Variants in OSBPL8 observed in about 807,000 individuals in gnomAD.
OSBPL8 encodes oxysterol binding protein like 8.
OSBPL8 carries 59 observed loss-of-function variants against 125.5 expected under a neutral mutation model. The ratio of observed to expected loss-of-function variants is 0.47; its 90% CI spans 0.38 to 0.58. OSBPL8 has a LOEUF of 0.58. Ranked by LOEUF, OSBPL8 falls within the 20% of genes least tolerant of loss-of-function variation. The probability of loss-of-function intolerance (pLI) is 0.00; values close to 1 mark genes in which losing one functional copy is unlikely to be tolerated. For synonymous variants in OSBPL8, 330 were observed against 338.9 expected, an observed-to-expected ratio of 0.97 and a Z score of 0.29; for missense variants, 758 against 1,047.8, an observed-to-expected ratio of 0.72 and a Z score of 3.82.
chr12:76,445,575 T>A (rs1339281412), intron 4 of OSBPL8, among the ~76,000 whole-genome samples: 1 of 152,106 alleles, frequency 6.6e-6, no homozygotes, highest in Non-Finnish European at 1.5e-5. Flanking sequence ...AATGATACTT[T>A]GCAAAAAGAA....
intron 21 of OSBPL8, among the ~76,000 whole-genome samples, chr12:76,365,953 T>C (rs974209631): frequency 2.6e-5 from 4 of 152,234 alleles, no homozygotes. Context: ...GGTCATGGTG[T>C]ATAATCTTTC....
chr12:76,530,080 G>T (rs937987543), intron 1 of OSBPL8, among the ~76,000 whole-genome samples: 2 of 151,888 alleles, frequency 1.3e-5, no homozygotes, highest in Non-Finnish European at 2.9e-5. Context: ...TAGACACAGG[G>T]TCTCATTCTG....
At chr12:76,415,466 T>G (rs186665757) in intron 4 of OSBPL8, among the ~76,000 whole-genome samples, 14 of 152,292 alleles carry the variant, frequency 9.2e-5, no homozygotes, top group African/African-American at 2.9e-4. Flanking sequence ...CAGGCCGGTC[T>G]CGAACTCCTG....
At position 76,355,041 on chromosome 12, in the gene OSBPL8, C is replaced by G. The variant is rs751655823; in HGVS notation, c.*848G>C. On this transcript the variant is annotated 3_prime_UTR_variant, in exon 24 of 24. Transcript: ENST00000261183. ...ATCAGCACTTCAAATGCTCTATAAA[C>G]ATCTCTAGAATTTGGCCTATGTTAT... 2.0e-5 allele frequency: 3 copies of G among 152,322 alleles called. No homozygotes were observed. The highest frequency in any genetic ancestry group is 4.4e-5 in the Non-Finnish European group (3 of 67,876). The allele number at this position is 152,322 out of a possible 1,614,324, so 9.4% of individuals were successfully genotyped here. A position where few individuals can be genotyped will look rare whatever the true frequency, so the allele number is the denominator to read the frequency against.
At position 76,355,656 on chromosome 12, in the gene OSBPL8, A is replaced by T; in HGVS notation, c.*233T>A. ...ACTCATATGTAGACACATTCTCACA[A>T]AAGCTAGAAATGTCCTGGCACTTAA... On this transcript the variant is annotated 3_prime_UTR_variant, in exon 24 of 24. Transcript: ENST00000261183. 1 of 440,160 alleles carries T rather than the reference A, an allele frequency of 2.3e-6. No individual in the cohort carries two copies. The highest frequency in any genetic ancestry group is 4.0e-6 in the Non-Finnish European group (1 of 248,814). 27.3% of individuals were successfully genotyped at this position (440,160 alleles called of 1,614,324 possible). A position where few individuals can be genotyped will look rare whatever the true frequency, so the allele number is the denominator to read the frequency against.
intron 1 of OSBPL8, among the ~76,000 whole-genome samples, chr12:76,497,919 T>C (rs1312446376): frequency 1.3e-5 from 2 of 152,344 alleles, no homozygotes; most frequent in East Asian, 1.9e-4. Context: ...TGAATTTATA[T>C]AGATTGTTTT....
chr12:76,502,686 T>C (rs1296879427), intron 1 of OSBPL8, among the ~76,000 whole-genome samples: 1 of 152,170 alleles, frequency 6.6e-6, no homozygotes, highest in Non-Finnish European at 1.5e-5. Flanking sequence ...GGACTAGTAA[T>C]CGCCTAGACT....
Position 76,491,535 on chromosome 12 carries a change from C to A in OSBPL8, c.-67-3917G>T, listed in dbSNP as rs192069806. On this transcript the variant is annotated intron_variant, in intron 1 of 23. Coordinates refer to ENST00000261183, the MANE Select transcript of OSBPL8 (RefSeq NM_020841.5). ...TCCTTTGATATAATCAATAGAGTAG[C>A]CCAAGAGACTACTCTGACTTTCAAT... 2.8e-3 allele frequency among the ~76,000 whole-genome samples: 427 copies of A among 152,244 alleles called. 4 individuals are homozygous for A. The highest frequency in any genetic ancestry group is 0.01 in the African/African-American group (416 of 41,534).
intron 21 of OSBPL8, 88 bp from the exon 22 acceptor site, chr12:76,358,899 T>C (rs954276489): frequency 4.4e-6 from 4 of 905,580 alleles, no homozygotes; most frequent in East Asian, 2.5e-5. Context: ...TATCTGCACA[T>C]AGGCATGATA....
chr12:76,549,103 A>G (rs1414621842), intron 1 of OSBPL8, among the ~76,000 whole-genome samples: 1 of 151,996 alleles, frequency 6.6e-6, no homozygotes, highest in Non-Finnish European at 1.5e-5. Flanking sequence ...ACTAAAGGGG[A>G]AAAAAAACCC....
chr12:76,371,918 T>C (rs955649000), intron 18 of OSBPL8: 1 of 165,960 alleles, frequency 6.0e-6, no homozygotes, highest in Non-Finnish European at 1.3e-5. Flanking sequence ...ATAGTATTTG[T>C]TGCAGCTACA....
At chr12:76,448,947 A>G (rs1873049134) in intron 4 of OSBPL8, among the ~76,000 whole-genome samples, 1 of 152,180 alleles carries the variant, frequency 6.6e-6, no homozygotes, top group Non-Finnish European at 1.5e-5. Flanking sequence ...CGGGAGATGG[A>G]GGTTGCAGTG....
intron 4 of OSBPL8, among the ~76,000 whole-genome samples, chr12:76,428,871 A>G (rs936983449): frequency 2.6e-5 from 4 of 152,164 alleles, no homozygotes; most frequent in African/African-American, 7.2e-5. Flanking sequence ...ATCAAGATGC[A>G]GCACATAAAC....
intron 1 of OSBPL8, among the ~76,000 whole-genome samples, chr12:76,510,559 T>C (rs1009674544): frequency 6.6e-6 from 1 of 152,176 alleles, no homozygotes; most frequent in African/African-American, 2.4e-5. Flanking sequence ...TTATATGTCT[T>C]TTGCAGGGCT....
chr12:76,484,013 T>G (rs1026054162), intron 2 of OSBPL8, among the ~76,000 whole-genome samples: 8 of 152,082 alleles, frequency 5.3e-5, no homozygotes, highest in Non-Finnish European at 1.2e-4. Context: ...CCAAATCATT[T>G]TATACACTGC....
chr12:76,358,871 G>T, intron 21 of OSBPL8, 60 bp from the exon 22 acceptor site: 1 of 1,258,980 alleles, frequency 7.9e-7, no homozygotes, highest in Non-Finnish European at 1.2e-6. Context: ...AAGACCAACT[G>T]TGTACAATTG....
chr12:76,424,885 G>C (rs1391146003), intron 4 of OSBPL8, among the ~76,000 whole-genome samples: 1 of 152,092 alleles, frequency 6.6e-6, no homozygotes, highest in African/African-American at 2.4e-5. Flanking sequence ...ATATCCAGGA[G>C]AGGATATATT....
chr12:76,378,009 A>T (rs553075675), intron 16 of OSBPL8, among the ~76,000 whole-genome samples: 6 of 152,206 alleles, frequency 3.9e-5, no homozygotes, highest in Admixed American at 2.6e-4. Context: ...ATGGGGCAAA[A>T]AGCATAATAC....
At chr12:76,356,171 G>GA in intron 23 of OSBPL8, 150 bp from the exon 24 acceptor site, 1 of 309,750 alleles carries the variant, frequency 3.2e-6, no homozygotes. Flanking sequence ...GTGGGGGGGG[G>GA]CGGGGTCTGG....
Sources: allele counts gnomAD v4.1 joint callset (sites outside exome capture counted in the v4.1 genomes callset), GRCh38; gene constraint gnomAD v4.1.1; transcripts MANE v1.5; gene names NCBI Gene and HGNC (gene_info 2026-07-23, HGNC 2026-07-21).